Variants in SLC39A11 observed in about 807,000 individuals in gnomAD.
SLC39A11 encodes solute carrier family 39 member 11, also known as zinc transporter ZIP11.
A neutral mutation model predicts 36.1 loss-of-function variants in SLC39A11; 33 were observed. That is an observed-to-expected ratio of 0.91 (90% CI 0.69 to 1.22). The LOEUF (loss-of-function observed/expected upper bound fraction) is 1.22. Among genes scored for constraint, SLC39A11 ranks in the 50% most tolerant of loss-of-function variants. SLC39A11 has a pLI of 0.00. For synonymous variants in SLC39A11, 166 were observed against 170.3 expected (o/e 0.97, Z 0.20); for missense variants, 432 against 430.3 (o/e 1.00, Z -0.03).
At chr17:73,089,929 G>A (rs936403003) in intron 1 of SLC39A11, among the ~76,000 whole-genome samples, 3 of 152,180 alleles carry the variant, frequency 2.0e-5, no homozygotes, top group Non-Finnish European at 2.9e-5. Context: ...ATCTCTCCCT[G>A]TGGAAAGTTA....
intron 7 of SLC39A11, among the ~76,000 whole-genome samples, chr17:72,696,780 T>C (rs750445403): frequency 5.3e-5 from 8 of 152,218 alleles, no homozygotes; most frequent in Non-Finnish European, 1.0e-4. Flanking sequence ...AATCATATTA[T>C]AAAAAAATAC....
chr17:72,679,911 G>T (rs1417827305), intron 7 of SLC39A11, among the ~76,000 whole-genome samples: 1 of 151,868 alleles, frequency 6.6e-6, no homozygotes, highest in Non-Finnish European at 1.5e-5. Context: ...GCGTGGTGGC[G>T]CATGCCTGTA....
At chr17:72,660,362 T>C (rs972309645) in intron 7 of SLC39A11, among the ~76,000 whole-genome samples, 1 of 152,228 alleles carries the variant, frequency 6.6e-6, no homozygotes, top group Non-Finnish European at 1.5e-5. Flanking sequence ...CTTGTAAGCA[T>C]ATTACATGTA....
intron 3 of SLC39A11, among the ~76,000 whole-genome samples, chr17:73,033,875 T>C (rs1018590081): frequency 2.0e-5 from 3 of 152,216 alleles, no homozygotes; most frequent in African/African-American, 7.2e-5. Context: ...AATTCCCTTC[T>C]TCCAGCTGTC....
At chr17:72,802,667 G>A (rs1394435333) in intron 6 of SLC39A11, among the ~76,000 whole-genome samples, 3 of 151,918 alleles carry the variant, frequency 2.0e-5, no homozygotes, top group Non-Finnish European at 2.9e-5. Flanking sequence ...GGGAGGGAAC[G>A]CAATACTAAG....
At chr17:72,722,065 A>G (rs1476251201) in intron 7 of SLC39A11, among the ~76,000 whole-genome samples, 1 of 131,142 alleles carries the variant, frequency 7.6e-6, no homozygotes, top group Non-Finnish European at 1.6e-5. Context: ...CCCCATTTCC[A>G]TGAAGTAGCC....
At chr17:72,787,459 G>A (rs1208159757) in intron 6 of SLC39A11, among the ~76,000 whole-genome samples, 5 of 151,724 alleles carry the variant, frequency 3.3e-5, no homozygotes, top group East Asian at 1.9e-4. Context: ...GGGTTTCACC[G>A]TGTTAGCCAA....
In SLC39A11 at chr17:72,768,031, A is replaced by C. The variant is rs1240366365; in HGVS notation, c.602-31312T>G. On this transcript the variant is annotated intron_variant, in intron 6 of 9. Coordinates refer to ENST00000255559, the MANE Select transcript of SLC39A11 (RefSeq NM_139177.4). ...GCTCATTGGTTGGGGCAGAGATGAAATCATAGAGAGTCAAGGCTGTCCTCT... is the reference window on the plus strand; with the variant it reads ...GCTCATTGGTTGGGGCAGAGATGAACTCATAGAGAGTCAAGGCTGTCCTCT... Among the ~76,000 whole-genome samples, 3 of 152,230 alleles carry C rather than the reference A, an allele frequency of 2.0e-5. No homozygotes were observed. The East Asian group carries it at 5.8e-4, about 29-fold the overall frequency.
At chr17:72,689,113 C>T (rs1029209727) in intron 7 of SLC39A11, among the ~76,000 whole-genome samples, 1 of 152,122 alleles carries the variant, frequency 6.6e-6, no homozygotes, top group Non-Finnish European at 1.5e-5. Context: ...ATCAAAAATC[C>T]GGTAAATATT....
intron 4 of SLC39A11, among the ~76,000 whole-genome samples, chr17:72,970,262 C>G (rs2087341002): frequency 6.6e-6 from 1 of 152,182 alleles, no homozygotes; most frequent in Non-Finnish European, 1.5e-5. Context: ...ATTTTTTGCT[C>G]TGAACTAGGA....
intron 7 of SLC39A11, among the ~76,000 whole-genome samples, chr17:72,683,543 C>T (rs181870020): frequency 3.9e-5 from 6 of 151,968 alleles, no homozygotes; most frequent in South Asian, 2.1e-4. Flanking sequence ...CACTATATTG[C>T]CCAGGCTGGT....
intron 7 of SLC39A11, among the ~76,000 whole-genome samples, chr17:72,679,960 T>C (rs1403416615): frequency 1.5e-5 from 2 of 136,936 alleles, no homozygotes; most frequent in East Asian, 4.4e-4. Flanking sequence ...GAAAATCACA[T>C]GAACCTGGGA....
intron 7 of SLC39A11, among the ~76,000 whole-genome samples, chr17:72,665,410 T>TTTTG (rs2070706791): frequency 6.8e-6 from 1 of 146,292 alleles, no homozygotes; most frequent in African/African-American, 2.6e-5. Context: ...TTTTTTTTTT[T>TTTTG]GAGACAGGGT....
intron 6 of SLC39A11, among the ~76,000 whole-genome samples, chr17:72,738,394 C>T (rs2074526588): frequency 2.0e-5 from 3 of 152,324 alleles, no homozygotes; most frequent in Admixed American, 6.5e-5. Flanking sequence ...GCGGTCTACA[C>T]TGATGGGGTG....
chr17:72,768,775 T>A (rs540563530), intron 6 of SLC39A11, among the ~76,000 whole-genome samples: 14 of 152,092 alleles, frequency 9.2e-5, no homozygotes, highest in South Asian at 6.2e-4. Flanking sequence ...TATTATTATT[T>A]TTTGAGATGG....
chr17:72,790,402 A>G (rs1223605385), intron 6 of SLC39A11, among the ~76,000 whole-genome samples: 1 of 152,158 alleles, frequency 6.6e-6, no homozygotes, highest in Non-Finnish European at 1.5e-5. Flanking sequence ...GAATACAAAG[A>G]CACCAGATGG....
At chr17:72,865,478 T>TCG (rs2080257535) in intron 5 of SLC39A11, among the ~76,000 whole-genome samples, 1 of 147,590 alleles carries the variant, frequency 6.8e-6, no homozygotes. Context: ...TTCTACTTTC[T>TCG]ACATTGGCTA....
chr17:72,740,444 G>A (rs529254801), intron 6 of SLC39A11, among the ~76,000 whole-genome samples: 2 of 152,268 alleles, frequency 1.3e-5, no homozygotes, highest in South Asian at 2.1e-4. Context: ...AAGACCGTAC[G>A]TTTATGTTGT....
At chr17:72,823,893 G>A (rs2077903265) in intron 6 of SLC39A11, 2 of 151,346 alleles carry the variant, frequency 1.3e-5, no homozygotes, top group South Asian at 4.2e-4. Context: ...CCTGTAGAGA[G>A]CAAACAAGCG....
Sources: allele counts gnomAD v4.1 joint callset (sites outside exome capture counted in the v4.1 genomes callset), GRCh38; gene constraint gnomAD v4.1.1; transcripts MANE v1.5; gene names NCBI Gene and HGNC (gene_info 2026-07-23, HGNC 2026-07-21).